EFCAB6: variants seen among roughly 807,000 people sequenced by gnomAD.
EFCAB6 encodes EF-hand calcium-binding domain-containing protein 6.
EFCAB6 carries 156 observed loss-of-function variants against 169.8 expected under a neutral mutation model. The ratio of observed to expected loss-of-function variants is 0.92; its 90% confidence interval spans 0.81 to 1.05. The LOEUF is 1.05. Among genes scored for constraint, EFCAB6 ranks in the 50% least tolerant of loss-of-function variants. The pLI is 0.00. For missense variants in EFCAB6, 1,800 were observed against 1,829.1 expected, an observed-to-expected ratio of 0.98 and a Z score of 0.29; for synonymous variants, 698 against 676.4, an observed-to-expected ratio of 1.03 and a Z score of -0.50.
chr22:43,670,076 T>C (rs2057422645), intron 15 of EFCAB6, among the ~76,000 whole-genome samples: 2 of 152,334 alleles, frequency 1.3e-5, no homozygotes, highest in Admixed American at 1.3e-4. Context: ...TCAGTTTCTT[T>C]ATAGCCTTTC....
chr22:43,729,193 T>C (rs945737280), intron 8 of EFCAB6, among the ~76,000 whole-genome samples: 8 of 152,210 alleles, frequency 5.3e-5, no homozygotes, highest in Non-Finnish European at 1.0e-4. Context: ...AAGCTATTTA[T>C]GAGGAATCTA....
chr22:43,602,002 C>T (rs540951643), intron 22 of EFCAB6, among the ~76,000 whole-genome samples: 75 of 152,372 alleles, frequency 4.9e-4, no homozygotes, highest in Middle Eastern at 3.4e-3. Context: ...TCCCCTTGGA[C>T]GACGTCCTCC....
At chr22:43,612,694 C>A (rs1369379394) in intron 21 of EFCAB6, among the ~76,000 whole-genome samples, 2 of 152,064 alleles carry the variant, frequency 1.3e-5, no homozygotes, top group African/African-American at 2.4e-5. Context: ...GAGTTCGAGA[C>A]CAGCCTGGCC....
At chr22:43,690,226 G>A (rs950369947) in intron 10 of EFCAB6, among the ~76,000 whole-genome samples, 3 of 151,940 alleles carry the variant, frequency 2.0e-5, no homozygotes, top group African/African-American at 7.3e-5. Flanking sequence ...CGGGCTGGGC[G>A]CGGTGGCTCA....
At chr22:43,802,810 G>C (rs546626370) in intron 2 of EFCAB6, 9 of 482,010 alleles carry the variant, frequency 1.9e-5, no homozygotes, top group African/African-American at 4.0e-5. Flanking sequence ...GTGTACCTCT[G>C]ATGACTGTAC....
intron 22 of EFCAB6, among the ~76,000 whole-genome samples, chr22:43,608,056 G>C (rs1210111223): frequency 1.3e-5 from 2 of 152,142 alleles, no homozygotes; most frequent in Non-Finnish European, 1.5e-5. Flanking sequence ...TAAAACAGTT[G>C]TGCAGCATTA....
At chr22:43,536,832 G>C (rs2147031882) in intron 29 of EFCAB6, 1 of 152,808 alleles carries the variant, frequency 6.5e-6, no homozygotes, top group South Asian at 2.1e-4. Context: ...GTAAGACCCT[G>C]TTTCAAAAAC....
chr22:43,591,287 C>A (rs1027332677), intron 23 of EFCAB6, among the ~76,000 whole-genome samples: 5 of 150,902 alleles, frequency 3.3e-5, no homozygotes, highest in African/African-American at 1.2e-4. Flanking sequence ...GAAACCCCGT[C>A]TCTCCTAAAA....
rs1267772930 is a variant in EFCAB6, at chr22:43,576,419, C to T, written c.3298G>A (p.Asp1100Asn). ...KATEFGQVLK[D>N]FCYKLTDNQY... ...TTGTCCGTTAGTTTGTAACAGAAAT[C>T]CTTAAGAACTTGTCCGAATTCTGTA... Residue 1100 changes from aspartate to asparagine, a missense_variant, in exon 26 of 32, where the codon GAT (aspartate) becomes AAT (asparagine). Physicochemically the swap from Asp to Asn is conservative, Grantham distance 23. Transcript: ENST00000262726. 1.2e-6 allele frequency: 2 copies of T among 1,604,694 alleles called. No individual in the cohort carries two copies. The highest frequency in any genetic ancestry group is 1.3e-5 in the African/African-American group (1 of 74,324).
At chr22:43,757,173 G>A (rs1252872544) in intron 5 of EFCAB6, among the ~76,000 whole-genome samples, 1 of 152,200 alleles carries the variant, frequency 6.6e-6, no homozygotes, top group East Asian at 1.9e-4. Flanking sequence ...AATCTATAAT[G>A]CTACGTTAAA....
intron 7 of EFCAB6, 99 bp downstream of exon 7, chr22:43,735,758 G>A: frequency 2.2e-6 from 3 of 1,378,290 alleles, no homozygotes; most frequent in Non-Finnish European, 3.0e-6. Context: ...GGCAGGGGGA[G>A]GTGAGAGATG....
chr22:43,793,556 AC>A (rs1212385214), intron 2 of EFCAB6, among the ~76,000 whole-genome samples: 3 of 125,104 alleles, frequency 2.4e-5, no homozygotes, highest in African/African-American at 9.1e-5. Flanking sequence ...CTAGTCACTC[AC>A]CATTTAACTC....
intron 20 of EFCAB6, among the ~76,000 whole-genome samples, chr22:43,624,233 T>C (rs1162813370): frequency 6.6e-6 from 1 of 152,184 alleles, no homozygotes; most frequent in Admixed American, 6.5e-5. Flanking sequence ...TCTGAAGCAG[T>C]GCTTTGGTTT....
At chr22:43,649,260 CAAA>C (rs2056343805) in intron 17 of EFCAB6, among the ~76,000 whole-genome samples, 1 of 152,028 alleles carries the variant, frequency 6.6e-6, no homozygotes, top group South Asian at 2.1e-4. Flanking sequence ...ATAGGCAACT[CAAA>C]GAAGAACAAA....
At chr22:43,747,808 A>C (rs967413031) in intron 6 of EFCAB6, among the ~76,000 whole-genome samples, 2 of 152,150 alleles carry the variant, frequency 1.3e-5, no homozygotes, top group African/African-American at 4.8e-5. Flanking sequence ...GTACCTCCCC[A>C]GTAGCCAATA....
intron 17 of EFCAB6, among the ~76,000 whole-genome samples, chr22:43,656,964 A>T (rs1308302269): frequency 6.6e-6 from 1 of 152,220 alleles, no homozygotes; most frequent in Non-Finnish European, 1.5e-5. Context: ...GGCAGAGAAC[A>T]CACGTTCTTT....
At chr22:43,686,762 C>T (rs1338247460) in intron 11 of EFCAB6, among the ~76,000 whole-genome samples, 1 of 152,104 alleles carries the variant, frequency 6.6e-6, no homozygotes, top group Non-Finnish European at 1.5e-5. Flanking sequence ...TAGAGCACAG[C>T]ACTTTCAATG....
At position 43,719,522 on chromosome 22, in the gene EFCAB6, G is replaced by T. The variant is rs1449667673; in HGVS notation, c.758-2550C>A. Among the ~76,000 whole-genome samples, 5 of 152,330 alleles carry T rather than the reference G, an allele frequency of 3.3e-5. No individual in the cohort carries two copies. The East Asian group carries it at 9.6e-4, about 29-fold the overall frequency. ...TAGAACACATTGTTCCACATTTAGA[G>T]AAGTCAGAGATAAAAGGTTGCTGCA... is the stretch of plus-strand genomic sequence containing the variant. On this transcript the variant is annotated intron_variant, in intron 8 of 31. Coordinates refer to ENST00000262726, the MANE Select transcript of EFCAB6 (RefSeq NM_022785.4).
intron 24 of EFCAB6, among the ~76,000 whole-genome samples, chr22:43,581,810 C>G (rs547174721): frequency 5.3e-5 from 8 of 152,290 alleles, no homozygotes; most frequent in South Asian, 2.1e-4. Flanking sequence ...TGCGTCGGGT[C>G]GGCTTGCATG....
Sources: gnomAD v4.1 joint callset for allele counts (sites outside exome capture counted in the v4.1 genomes callset) on GRCh38, gnomAD v4.1.1 for gene constraint, MANE v1.5 for transcripts, NCBI Gene and HGNC (gene_info 2026-07-23, HGNC 2026-07-21) for gene names.